The following CTNNA3 variants were observed in gnomAD, a reference collection of about 807,000 sequenced individuals.
CTNNA3 encodes the protein catenin alpha-3.
Under a neutral mutation model 95.7 loss-of-function variants are expected in CTNNA3, and 76 were observed. The observed-to-expected ratio is 0.79, with a 90% CI of 0.66 to 0.96. The LOEUF is 0.96. CTNNA3 is among the 40% of genes least tolerant of loss of function. The pLI is 0.00. For synonymous variants in CTNNA3, 431 were observed against 374.4 expected (o/e 1.15, Z -1.74); for missense variants, 1,191 against 1,089.8 (o/e 1.09, Z -1.31).
intron 13 of CTNNA3, among the ~76,000 whole-genome samples, chr10:66,160,834 G>A (rs1222111947): frequency 1.3e-5 from 2 of 152,092 alleles, no homozygotes; most frequent in Non-Finnish European, 2.9e-5. Context: ...AGGTCTATGA[G>A]TAATTGTTTT....
chr10:67,256,291 G>A (rs1866346182), intron 5 of CTNNA3, among the ~76,000 whole-genome samples: 1 of 152,140 alleles, frequency 6.6e-6, no homozygotes, highest in African/African-American at 2.4e-5. Flanking sequence ...CTTGATGCTA[G>A]TGAAGCAATG....
intron 5 of CTNNA3, among the ~76,000 whole-genome samples, chr10:67,511,843 T>G (rs1839642707): frequency 6.6e-6 from 1 of 152,218 alleles, no homozygotes; most frequent in South Asian, 2.1e-4. Flanking sequence ...TTTTGGTTGG[T>G]AGGCTATTAA....
At chr10:66,261,129 T>G (rs1408145161) in intron 13 of CTNNA3, among the ~76,000 whole-genome samples, 2 of 152,142 alleles carry the variant, frequency 1.3e-5, no homozygotes, top group Admixed American at 6.6e-5. Flanking sequence ...CAACAAAACT[T>G]CCTTCCCTCA....
chr10:66,749,631 C>A (rs1839052039), intron 9 of CTNNA3, among the ~76,000 whole-genome samples: 1 of 152,152 alleles, frequency 6.6e-6, no homozygotes, highest in East Asian at 1.9e-4. Context: ...ATCTTGATTG[C>A]TTTCATGTTT....
At chr10:66,130,086 C>T (rs2083016347) in intron 13 of CTNNA3, among the ~76,000 whole-genome samples, 1 of 152,150 alleles carries the variant, frequency 6.6e-6, no homozygotes, top group Non-Finnish European at 1.5e-5. Context: ...ACTAGGCACA[C>T]AGAACAGTGA....
At chr10:66,098,871 C>T (rs1399600521) in intron 14 of CTNNA3, 1 of 152,152 alleles carries the variant, frequency 6.6e-6, no homozygotes, top group Admixed American at 6.5e-5. Context: ...CTGCTATTTC[C>T]ATTGTCACTT....
chr10:66,075,892 T>C (rs12098827), intron 14 of CTNNA3, among the ~76,000 whole-genome samples: 4 of 151,718 alleles, frequency 2.6e-5, no homozygotes, highest in African/African-American at 9.7e-5. Flanking sequence ...ATTAAATTCT[T>C]AGGTAAATCA....
chr10:67,392,336 C>T (rs1011026746), intron 5 of CTNNA3, among the ~76,000 whole-genome samples: 5 of 152,158 alleles, frequency 3.3e-5, no homozygotes, highest in Admixed American at 1.3e-4. Context: ...CAGAGAAATG[C>T]AAATCAAAAC....
chr10:67,543,875 A>G (rs1840757791), intron 3 of CTNNA3, among the ~76,000 whole-genome samples: 1 of 152,160 alleles, frequency 6.6e-6, no homozygotes, highest in Non-Finnish European at 1.5e-5. Flanking sequence ...TTTAGCAGAC[A>G]ATTATTTTAT....
intron 13 of CTNNA3, among the ~76,000 whole-genome samples, chr10:66,244,697 G>A (rs938386141): frequency 6.6e-6 from 1 of 152,204 alleles, no homozygotes; most frequent in Non-Finnish European, 1.5e-5. Flanking sequence ...TAGGGTCCCC[G>A]TTAAAGCAGA....
At chr10:67,013,415 T>G (rs1314505746) in intron 7 of CTNNA3, among the ~76,000 whole-genome samples, 2 of 152,212 alleles carry the variant, frequency 1.3e-5, no homozygotes, top group Non-Finnish European at 2.9e-5. Context: ...AAACAATCAT[T>G]GTTATCATTT....
At chr10:66,685,209 A>ATCTATATGTGTATATATATACG (rs1847218104) in intron 9 of CTNNA3, among the ~76,000 whole-genome samples, 1 of 36,340 alleles carries the variant, frequency 2.8e-5, no homozygotes, top group African/African-American at 8.5e-5. Context: ...ATATATACGT[A>ATCTATATGTGTATATATATACG]TATATATGTG....
At chr10:66,946,413 CAT>C (rs1848277798) in intron 7 of CTNNA3, among the ~76,000 whole-genome samples, 1 of 152,016 alleles carries the variant, frequency 6.6e-6, no homozygotes, top group African/African-American at 2.4e-5. Context: ...ATATAATATA[CAT>C]AGAGAAAAGT....
chr10:66,950,858 G>A (rs1029192841), intron 7 of CTNNA3, among the ~76,000 whole-genome samples: 25 of 152,098 alleles, frequency 1.6e-4, no homozygotes, highest in African/African-American at 5.3e-4. Context: ...AGGGAGTTTG[G>A]TCTTAACCCA....
chr10:66,329,235 C>T lies in CTNNA3; in HGVS notation c.1733-48614G>A, dbSNP rs146064811. 1.3e-3 allele frequency among the ~76,000 whole-genome samples: 194 copies of T among 151,830 alleles called. 2 individuals are homozygous for T. The highest frequency in any genetic ancestry group is 4.4e-3 in the African/African-American group (183 of 41,478). ...TAAAGTGCTGGGATTACGGGGTGAG[C>T]CACGGCGCCCAGCCAAAGAGGGATG... On this transcript the variant is annotated intron_variant, in intron 12 of 17. Transcript: ENST00000433211.
intron 5 of CTNNA3, among the ~76,000 whole-genome samples, chr10:67,345,998 G>A (rs1345095006): frequency 6.6e-6 from 1 of 151,854 alleles, no homozygotes; most frequent in East Asian, 1.9e-4. Context: ...TGTATCCATT[G>A]TATATTTTTG....
In CTNNA3 at chr10:67,555,916, G is replaced by T. The variant is rs561222422; in HGVS notation, c.293-16247C>A. On this transcript the variant is annotated intron_variant, in intron 3 of 17. Transcript: ENST00000433211. ...TTTCATACATAGCTCTTATTATTTT[G>T]AGATATGTCCAATGAATACCTAATT... Among the ~76,000 whole-genome samples, 4 of 152,288 alleles carry T rather than the reference G, an allele frequency of 2.6e-5. 1 individual carries two copies. The highest frequency in any genetic ancestry group is 9.6e-5 in the African/African-American group (4 of 41,552).
chr10:66,561,943 G>T (rs1236777197), intron 10 of CTNNA3, among the ~76,000 whole-genome samples: 3 of 152,030 alleles, frequency 2.0e-5, no homozygotes, highest in Non-Finnish European at 4.4e-5. Context: ...GTGAGGGGGA[G>T]ATCAAAGATA....
intron 6 of CTNNA3, among the ~76,000 whole-genome samples, chr10:67,216,532 T>G (rs1864370030): frequency 6.6e-6 from 1 of 152,212 alleles, no homozygotes; most frequent in Non-Finnish European, 1.5e-5. Context: ...ATTCATTCAT[T>G]CATGCATTCA....
Sources: gnomAD v4.1 joint callset for allele counts (sites outside exome capture counted in the v4.1 genomes callset) on GRCh38, gnomAD v4.1.1 for gene constraint, MANE v1.5 for transcripts, NCBI Gene and HGNC (gene_info 2026-07-23, HGNC 2026-07-21) for gene names.